Variants in RIMS2 observed in about 807,000 individuals in gnomAD.
RIMS2 encodes the protein regulating synaptic membrane exocytosis protein 2.
In RIMS2, 59 loss-of-function variants were observed where a neutral mutation model predicts 174.4. The observed-to-expected ratio is 0.34, with a 90% CI of 0.27 to 0.42. The LOEUF (loss-of-function observed/expected upper bound fraction) is 0.42, where lower values mean the gene tolerates loss of function less well. Among genes scored for constraint, RIMS2 ranks in the 10% least tolerant of loss-of-function variants. The pLI, the probability that RIMS2 is intolerant of heterozygous loss-of-function variation, is 1.00. For synonymous variants in RIMS2, 606 were observed against 572.5 expected (o/e 1.06, Z -0.84); for missense variants, 1,620 against 1,666.3 (o/e 0.97, Z 0.48).
chr8:103,693,338 C>T (rs1007121705), intron 1 of RIMS2, among the ~76,000 whole-genome samples: 9 of 152,094 alleles, frequency 5.9e-5, no homozygotes, highest in Non-Finnish European at 1.2e-4. Flanking sequence ...AAAGTTAAAA[C>T]GAGGTACTGT....
At chr8:103,735,227 T>C (rs2097670873) in intron 2 of RIMS2, among the ~76,000 whole-genome samples, 1 of 152,198 alleles carries the variant, frequency 6.6e-6, no homozygotes, top group South Asian at 2.1e-4. Flanking sequence ...TCTTTTTGAC[T>C]TCAGTACAGT....
At chr8:103,750,152 T>A (rs1440473542) in intron 2 of RIMS2, among the ~76,000 whole-genome samples, 1 of 152,140 alleles carries the variant, frequency 6.6e-6, no homozygotes, top group Non-Finnish European at 1.5e-5. Flanking sequence ...TGCATATTGA[T>A]ATTACATTGT....
chr8:104,021,222 G>A (rs189274755), intron 19 of RIMS2, among the ~76,000 whole-genome samples: 7 of 152,094 alleles, frequency 4.6e-5, no homozygotes, highest in Non-Finnish European at 1.0e-4. Context: ...CTAAAATACA[G>A]TTTTTCTTAC....
chr8:103,955,390 A>C (rs2086813910), intron 14 of RIMS2, among the ~76,000 whole-genome samples: 1 of 152,198 alleles, frequency 6.6e-6, no homozygotes, highest in African/African-American at 2.4e-5. Context: ...CACATCAAGA[A>C]GGTTGTCCAC....
chr8:103,623,938 T>TA (rs1394680897), intron 1 of RIMS2, among the ~76,000 whole-genome samples: 1 of 102,038 alleles, frequency 9.8e-6, no homozygotes, highest in African/African-American at 4.4e-5. Flanking sequence ...CTCAGTGTCT[T>TA]AAGAGAAAAG....
intron 19 of RIMS2, among the ~76,000 whole-genome samples, chr8:104,022,184 C>T (rs927455129): frequency 3.9e-5 from 6 of 152,132 alleles, no homozygotes; most frequent in Non-Finnish European, 7.4e-5. Flanking sequence ...TACATTTTAG[C>T]AGAAGTCAGG....
chr8:103,641,867 CA>C (rs2096239080), intron 1 of RIMS2, among the ~76,000 whole-genome samples: 1 of 151,996 alleles, frequency 6.6e-6, no homozygotes, highest in South Asian at 2.1e-4. Flanking sequence ...ATGCTGTTGC[CA>C]TGCTTTTTAG....
intron 19 of RIMS2, chr8:104,094,462 C>T: frequency 1.2e-5 from 7 of 577,504 alleles, no homozygotes; most frequent in East Asian, 5.9e-5. Context: ...CCTTCAATTT[C>T]TGTTGCTTTC....
At chr8:104,173,774 A>C (rs942482533) in intron 19 of RIMS2, among the ~76,000 whole-genome samples, 1 of 149,920 alleles carries the variant, frequency 6.7e-6, no homozygotes, top group Non-Finnish European at 1.5e-5. Flanking sequence ...GACTACAGGC[A>C]CCCGCCACCA....
intron 1 of RIMS2, among the ~76,000 whole-genome samples, chr8:103,589,841 ACAT>A (rs996801539): frequency 1.3e-5 from 2 of 151,562 alleles, no homozygotes; most frequent in Non-Finnish European, 3.0e-5. Context: ...AGAAAGAGAA[ACAT>A]CATGTATTCT....
intron 1 of RIMS2, among the ~76,000 whole-genome samples, chr8:103,546,253 CTT>C (rs1367361461): frequency 2.0e-5 from 3 of 152,158 alleles, no homozygotes; most frequent in African/African-American, 4.8e-5. Flanking sequence ...ACAAAACAGA[CTT>C]TAACCCAACA....
intron 19 of RIMS2, among the ~76,000 whole-genome samples, chr8:104,221,069 C>T (rs991854703): frequency 1.3e-5 from 2 of 152,012 alleles, no homozygotes; most frequent in Non-Finnish European, 2.9e-5. Context: ...CCCATTTCTC[C>T]GAGTATAATT....
intron 1 of RIMS2, among the ~76,000 whole-genome samples, chr8:103,533,524 T>TGCTAA (rs890180961): frequency 4.0e-5 from 6 of 151,764 alleles, no homozygotes; most frequent in African/African-American, 1.2e-4. Context: ...AAGTGGAATC[T>TGCTAA]GCTAAGATGT....
chr8:103,777,502 A>G (rs912261561), intron 3 of RIMS2, among the ~76,000 whole-genome samples: 23 of 152,122 alleles, frequency 1.5e-4, no homozygotes, highest in African/African-American at 5.5e-4. Context: ...TCAGTACATT[A>G]TTGGCATATG....
intron 1 of RIMS2, among the ~76,000 whole-genome samples, chr8:103,664,414 C>G (rs1335960073): frequency 6.6e-6 from 1 of 152,020 alleles, no homozygotes; most frequent in Non-Finnish European, 1.5e-5. Context: ...CTACAGAGAA[C>G]TTAAACAGAT....
At chr8:103,967,173 T>C (rs1305533681) in intron 15 of RIMS2, among the ~76,000 whole-genome samples, 1 of 73,396 alleles carries the variant, frequency 1.4e-5, no homozygotes, top group South Asian at 4.1e-4. Context: ...TGTTCTTGTT[T>C]TTTTTTTTTT....
chr8:103,639,615 A>G (rs571375088), intron 1 of RIMS2, among the ~76,000 whole-genome samples: 3 of 152,056 alleles, frequency 2.0e-5, no homozygotes, highest in Non-Finnish European at 4.4e-5. Flanking sequence ...TGCTGTTCAT[A>G]TCAGTAGTTT....
intron 19 of RIMS2, among the ~76,000 whole-genome samples, chr8:104,035,511 T>TA (rs1277098391): frequency 7.9e-5 from 12 of 151,804 alleles, no homozygotes; most frequent in Non-Finnish European, 1.8e-4. Context: ...AGGTAGGTTT[T>TA]TTTTTTTACT....
At chr8:103,957,582 G>T (rs987567214) in intron 14 of RIMS2, among the ~76,000 whole-genome samples, 2 of 152,128 alleles carry the variant, frequency 1.3e-5, no homozygotes, top group Non-Finnish European at 2.9e-5. Flanking sequence ...ACAGGGAGGG[G>T]AACCTCACAC....
Sources: allele counts gnomAD v4.1 joint callset (sites outside exome capture counted in the v4.1 genomes callset), GRCh38; gene constraint gnomAD v4.1.1; transcripts MANE v1.5; gene names NCBI Gene and HGNC (gene_info 2026-07-23, HGNC 2026-07-21).